Variants in TMEM62 observed in about 807,000 individuals in gnomAD.
TMEM62 encodes transmembrane protein 62.
Under a neutral mutation model 70.4 loss-of-function variants are expected in TMEM62, and 41 were observed. The observed-to-expected ratio is 0.58, with a 90% confidence interval of 0.45 to 0.76. TMEM62 has a LOEUF of 0.76. Ranked by LOEUF, TMEM62 falls within the 30% of genes least tolerant of loss-of-function variation. TMEM62 has a pLI of 0.00. For missense variants in TMEM62, 688 were observed against 788.5 expected (o/e 0.87, Z 1.53); for synonymous variants, 268 against 291.0 (o/e 0.92, Z 0.80).
At chr15:43,147,548 G>A (rs2036833364) in intron 5 of TMEM62, among the ~76,000 whole-genome samples, 2 of 152,118 alleles carry the variant, frequency 1.3e-5, no homozygotes, top group African/African-American at 4.8e-5. Flanking sequence ...GACCAGTATA[G>A]AAATAAATAT....
In TMEM62 at chr15:43,134,355, C is replaced by G; in HGVS notation, c.279C>G (p.Leu93=). 6.2e-7 allele frequency: 1 copy of G among 1,613,644 alleles called. No individual in the cohort carries two copies. Residue 93 remains leucine (L), a synonymous_variant, in exon 2 of 14, where the codon CTC becomes CTG. Coordinates refer to ENST00000260403, the MANE Select transcript of TMEM62 (RefSeq NM_024956.4). The part of the protein sequence containing the change: ...SETIDIIQPA[L]VLATGDLTDA... ...CTATTGACATCATTCAACCAGCTCT[C>G]GTCCTAGCAACAGGTAGGGAGGCTT...
At chr15:43,150,976 T>G (rs1402716021) in intron 7 of TMEM62, among the ~76,000 whole-genome samples, 6 of 152,258 alleles carry the variant, frequency 3.9e-5, no homozygotes, top group African/African-American at 9.6e-5. Flanking sequence ...TGGTTATTCT[T>G]TAATGAATAT....
chr15:43,133,189 C>G (rs867245342), upstream of TMEM62: 2 of 152,024 alleles, frequency 1.3e-5, no homozygotes, highest in Non-Finnish European at 2.9e-5. Context: ...GGGATAGAGA[C>G]CCTGTCTGAG....
chr15:43,183,486 A>C (rs1422744731), intron 13 of TMEM62, among the ~76,000 whole-genome samples: 1 of 151,794 alleles, frequency 6.6e-6, no homozygotes, highest in Middle Eastern at 3.2e-3. Flanking sequence ...GACCTCTCCC[A>C]CCTCTGGGCT....
chr15:43,162,331 G>A (rs1157757895), intron 10 of TMEM62, among the ~76,000 whole-genome samples: 1 of 150,234 alleles, frequency 6.7e-6, no homozygotes, highest in African/African-American at 2.5e-5. Flanking sequence ...TAGAGTCGGG[G>A]TTTTGCCATA....
rs1395555500 is a variant in TMEM62 at position 43,154,589 on chromosome 15, TG to T, written c.1023-82del. 1.0e-5 allele frequency: 13 copies of T among 1,274,228 alleles called. 1 individual carries two copies. The highest frequency in any genetic ancestry group is 1.1e-5 in the Non-Finnish European group (10 of 927,644). 78.9% of individuals were successfully genotyped at this position (1,274,228 alleles called of 1,614,324 possible). On this transcript the variant is annotated intron_variant, in intron 8 of 13. Coordinates refer to ENST00000260403, the MANE Select transcript of TMEM62 (RefSeq NM_024956.4). ...ATGGTTCTGCCTATACGTGTATATCTGCAAGTTACAATAAGGTTATTCTCCT... is the reference window on the plus strand; with the variant it reads ...ATGGTTCTGCCTATACGTGTATATCTCAAGTTACAATAAGGTTATTCTCCT...
chr15:43,133,771 C>T lies in TMEM62; in HGVS notation c.-32C>T, dbSNP rs1038286428. ...AGCGCCGCGCGGTCCTGCGCGGGAT[C>T]AGCGAGGGCCGCGCCCCGGCGGGCG... is the stretch of plus-strand genomic sequence containing the variant. On this transcript the variant is annotated 5_prime_UTR_variant, in exon 1 of 14. Coordinates refer to ENST00000260403, the MANE Select transcript of TMEM62 (RefSeq NM_024956.4). 40 of 1,333,258 alleles carry T rather than the reference C, an allele frequency of 3.0e-5. No individual in the cohort carries two copies. The African/African-American group carries it at 5.7e-4, about 19-fold the overall frequency. The allele number at this position is 1,333,258 out of a possible 1,614,324, so 82.6% of individuals were successfully genotyped here. A position where few individuals can be genotyped will look rare whatever the true frequency, so the allele number is the denominator to read the frequency against.
intron 9 of TMEM62, among the ~76,000 whole-genome samples, chr15:43,159,865 G>C (rs761746220): frequency 6.6e-6 from 1 of 152,120 alleles, no homozygotes; most frequent in African/African-American, 2.4e-5. Flanking sequence ...TTATTTCTAG[G>C]CCTTTTTAGG....
At chr15:43,153,420 C>T (rs936616398) in intron 8 of TMEM62, among the ~76,000 whole-genome samples, 2 of 152,102 alleles carry the variant, frequency 1.3e-5, no homozygotes, top group African/African-American at 2.4e-5. Flanking sequence ...AAACTTTTAC[C>T]CATTAAACAA....
chr15:43,172,655 T>G (rs1265309576), intron 11 of TMEM62, among the ~76,000 whole-genome samples: 4 of 152,234 alleles, frequency 2.6e-5, no homozygotes, highest in African/African-American at 9.6e-5. Flanking sequence ...AGGCAAAAAA[T>G]GTATGCTGAC....
chr15:43,182,263 A>G (rs1163849939), intron 13 of TMEM62, among the ~76,000 whole-genome samples: 1 of 152,166 alleles, frequency 6.6e-6, no homozygotes, highest in Non-Finnish European at 1.5e-5. Context: ...AAGAGATCCA[A>G]AAACATTCAA....
intron 12 of TMEM62, chr15:43,180,781 T>A (rs2142126388): frequency 6.5e-6 from 1 of 154,880 alleles, no homozygotes; most frequent in Non-Finnish European, 1.4e-5. Flanking sequence ...GTTGAAGTTT[T>A]TTTGCTTTAA....
rs535637020 is a variant in TMEM62 at position 43,147,285 on chromosome 15, GAGA to G, written c.618+654_618+656del. On this transcript the variant is annotated intron_variant, in intron 5 of 13. Transcript: ENST00000260403. ...AGCTGGTCTGTATTTTTTTAAAGAA[GAGA>G]AGGATGACTATTGAAATCAATAAGT... 3.9e-3 allele frequency among the ~76,000 whole-genome samples: 589 copies of G among 152,310 alleles called. 2 individuals are homozygous for G. Among genetic ancestry groups the G allele is most frequent in the African/African-American group, 0.014 (562 of 41,554 alleles).
At position 43,138,095 on chromosome 15, in the gene TMEM62, C is replaced by T. The variant is rs1596190773; in HGVS notation, c.431-479C>T. ...CCTGGAGCTTGGGACCTAAGTCCATCCCACCCACATCCTGGAATCAAGATT... is the reference window on the plus strand; with the variant it reads ...CCTGGAGCTTGGGACCTAAGTCCATTCCACCCACATCCTGGAATCAAGATT... On this transcript the variant is annotated intron_variant, in intron 3 of 13. Transcript: ENST00000260403. Among the ~76,000 whole-genome samples, 2 of 152,320 alleles carry T rather than the reference C, an allele frequency of 1.3e-5. 1 individual carries two copies. The highest frequency in any genetic ancestry group is 4.1e-4 in the South Asian group (2 of 4,834).
At chr15:43,160,324 G>C (rs908612275) in intron 9 of TMEM62, 1 of 164,122 alleles carries the variant, frequency 6.1e-6, no homozygotes, top group Admixed American at 6.4e-5. Flanking sequence ...GCCAATGCAG[G>C]AAGACTGCTT....
At chr15:43,170,250 G>C (rs2040043314) in intron 11 of TMEM62, among the ~76,000 whole-genome samples, 2 of 152,112 alleles carry the variant, frequency 1.3e-5, no homozygotes, top group Non-Finnish European at 2.9e-5. Context: ...TAAAAGGGAG[G>C]GAGTATGACA....
intron 11 of TMEM62, among the ~76,000 whole-genome samples, chr15:43,173,805 G>A (rs961968466): frequency 4.0e-5 from 6 of 149,468 alleles, no homozygotes; most frequent in Admixed American, 6.7e-5. Context: ...TAACCACTTC[G>A]AATGTATATA....
chr15:43,159,835 C>T (rs898756734), intron 9 of TMEM62, among the ~76,000 whole-genome samples: 1 of 151,744 alleles, frequency 6.6e-6, no homozygotes, highest in African/African-American at 2.4e-5. Flanking sequence ...CTAGGTAGCT[C>T]ATTACTGTTA....
chr15:43,154,990 G>C (rs1457781366), intron 9 of TMEM62, among the ~76,000 whole-genome samples, 159 bp downstream of exon 9: 3 of 152,200 alleles, frequency 2.0e-5, no homozygotes, highest in African/African-American at 7.2e-5. Context: ...CACTTTGGGA[G>C]GCCAAGGCAG....
Sources: gnomAD v4.1 joint callset for allele counts (sites outside exome capture counted in the v4.1 genomes callset) on GRCh38, gnomAD v4.1.1 for gene constraint, MANE v1.5 for transcripts, NCBI Gene and HGNC (gene_info 2026-07-23, HGNC 2026-07-21) for gene names.